Variants in FERRY3 observed in about 807,000 individuals in gnomAD.
FERRY3 encodes FERRY endosomal RAB5 effector complex subunit 3.
the FERRY3 span, chr12:4,505,236 C>T: frequency 4.2e-6 from 4 of 942,038 alleles, no homozygotes; most frequent in African/African-American, 6.7e-5. Context: ...ACATAAATTC[C>T]TATGGTGTGC....
the FERRY3 span, among the ~76,000 whole-genome samples, chr12:4,494,290 T>C: frequency 6.6e-6 from 1 of 152,166 alleles, no homozygotes; most frequent in African/African-American, 2.4e-5. Context: ...GAGGCTTGAA[T>C]TTTCATTTTC....
the FERRY3 span, chr12:4,518,260 G>T: frequency 6.2e-7 from 1 of 1,613,358 alleles, no homozygotes; most frequent in Non-Finnish European, 8.5e-7. Flanking sequence ...GGGCTCCTGG[G>T]GGTAGGCAAT....
chr12:4,506,439 CAA>C, the FERRY3 span, among the ~76,000 whole-genome samples: 1 of 152,038 alleles, frequency 6.6e-6, no homozygotes, highest in African/African-American at 2.4e-5. Context: ...TTTTATAAAT[CAA>C]GAGTCAGAGA....
At chr12:4,535,549 C>G in the FERRY3 span, among the ~76,000 whole-genome samples, 7 of 152,264 alleles carry the variant, frequency 4.6e-5, no homozygotes, top group Admixed American at 3.9e-4. The surrounding 1 kb of genome is among the most constrained non-coding windows in gnomAD (Gnocchi z 4.0). Context: ...AGAGCACAGA[C>G]CTTTAAAAAT....
At chr12:4,487,745 A>G in the FERRY3 span, 1 of 152,186 alleles carries the variant, frequency 6.6e-6, no homozygotes, top group Non-Finnish European at 1.5e-5. Context: ...TTGTATTTTT[A>G]AAATTTTTAT....
At chr12:4,491,304 T>C in the FERRY3 span, 1 of 1,376,740 alleles carries the variant, frequency 7.3e-7, no homozygotes, top group Admixed American at 1.7e-5. Flanking sequence ...GTCAGATCTT[T>C]ATCTATAGTG....
the FERRY3 span, among the ~76,000 whole-genome samples, chr12:4,536,664 G>A: frequency 2.0e-5 from 3 of 152,106 alleles, no homozygotes; most frequent in African/African-American, 4.8e-5. Context: ...ATCCGACTGG[G>A]GGAAGGGGAG....
At chr12:4,509,963 T>C in the FERRY3 span, among the ~76,000 whole-genome samples, 2 of 138,204 alleles carry the variant, frequency 1.4e-5, no homozygotes, top group African/African-American at 3.2e-5. Flanking sequence ...CGGGAGGACA[T>C]TCAAACCAAA....
chr12:4,506,825 G>C, the FERRY3 span, among the ~76,000 whole-genome samples: 1 of 152,098 alleles, frequency 6.6e-6, no homozygotes, highest in Non-Finnish European at 1.5e-5. Flanking sequence ...AAAAATAATG[G>C]AATGTCTTAG....
chr12:4,490,510 C>G, the FERRY3 span: 1 of 1,587,382 alleles, frequency 6.3e-7, no homozygotes, highest in Admixed American at 1.7e-5. Flanking sequence ...GAGATCTATT[C>G]AGATAACATA....
the FERRY3 span, chr12:4,489,383 A>G: frequency 6.5e-6 from 1 of 153,418 alleles, no homozygotes; most frequent in Non-Finnish European, 1.5e-5. Context: ...GTGCTTTTAC[A>G]TTTTGTTTTG....
At chr12:4,504,286 A>C in the FERRY3 span, among the ~76,000 whole-genome samples, 285 of 152,350 alleles carry the variant, frequency 1.9e-3, 1 homozygote, top group African/African-American at 6.7e-3. Context: ...AAATTACCTT[A>C]AAGGAGAATA....
the FERRY3 span, chr12:4,518,069 C>G: frequency 6.8e-6 from 11 of 1,606,800 alleles, no homozygotes; most frequent in Non-Finnish European, 7.7e-6. Context: ...TCTTTTAATA[C>G]CACTATATGA....
At chr12:4,500,090 T>C in the FERRY3 span, 3 of 1,531,752 alleles carry the variant, frequency 2.0e-6, no homozygotes, top group Non-Finnish European at 2.7e-6. Context: ...TAAATCAATA[T>C]TATGATTATG....
chr12:4,528,550 AAT>A, the FERRY3 span, among the ~76,000 whole-genome samples: 2 of 152,270 alleles, frequency 1.3e-5, no homozygotes, highest in East Asian at 3.9e-4. Flanking sequence ...AACAGTGACA[AAT>A]ATCTCAAAAC....
At chr12:4,531,969 A>C in the FERRY3 span, among the ~76,000 whole-genome samples, 1 of 152,202 alleles carries the variant, frequency 6.6e-6, no homozygotes, top group Admixed American at 6.5e-5. Flanking sequence ...GGGAAAGCAA[A>C]AAGAGAAAGC....
the FERRY3 span, among the ~76,000 whole-genome samples, chr12:4,493,563 C>T: frequency 1.3e-5 from 2 of 152,114 alleles, no homozygotes; most frequent in South Asian, 4.1e-4. Flanking sequence ...GGGTTAGGTT[C>T]TGGAAGCTTC....
At chr12:4,534,099 A>C in the FERRY3 span, 10 of 1,502,262 alleles carry the variant, frequency 6.7e-6, no homozygotes, top group East Asian at 2.4e-4. Context: ...AGCATTTTAA[A>C]AATTTTCACC....
the FERRY3 span, among the ~76,000 whole-genome samples, chr12:4,497,399 T>C: frequency 5.9e-5 from 9 of 152,158 alleles, no homozygotes; most frequent in Admixed American, 5.9e-4. Flanking sequence ...TGGGTGCTGG[T>C]CATGTTCCAT....
Sources: allele counts gnomAD v4.1 joint callset (sites outside exome capture counted in the v4.1 genomes callset), GRCh38; gene constraint gnomAD v4.1.1; non-coding constraint Gnocchi (gnomAD v3.1); transcripts MANE v1.5; gene names NCBI Gene and HGNC (gene_info 2026-07-23, HGNC 2026-07-21).